The following ZC3HAV1L variants were observed in gnomAD, a reference collection of about 807,000 sequenced individuals.
ZC3HAV1L encodes the protein zinc finger CCCH-type antiviral protein 1-like.
Under a neutral mutation model 28.2 loss-of-function variants are expected in ZC3HAV1L, and 23 were observed. The ratio of observed to expected loss-of-function variants is 0.82; its 90% CI spans 0.59 to 1.16. The LOEUF (loss-of-function observed/expected upper bound fraction) is 1.16. Ranked by LOEUF, ZC3HAV1L falls within the 50% of genes most tolerant of loss-of-function variation. ZC3HAV1L has a pLI of 0.00. For synonymous variants in ZC3HAV1L, 180 were observed against 163.4 expected, an observed-to-expected ratio of 1.10 and a Z score of -0.78; for missense variants, 376 against 387.7, an observed-to-expected ratio of 0.97 and a Z score of 0.25.
At chr7:139,028,620 T>A in intron 3 of ZC3HAV1L, 82 bp downstream of exon 3, 2 of 1,515,262 alleles carry the variant, frequency 1.3e-6, no homozygotes, top group South Asian at 1.3e-5. Flanking sequence ...CTCACTTTCA[T>A]GTCACTGTTC....
Position 139,035,911 on chromosome 7 carries a change from C to T in ZC3HAV1L, c.107G>A (p.Arg36Lys). Reference protein sequence around the residue: ...LRGHVELSEARLRDVLQRAGP... With the variant: ...LRGHVELSEAKLRDVLQRAGP... Reference sequence around the variant, plus strand: ...GGCGCGCTGCAGCACGTCCCGGAGCCTGGCCTCCGACAGCTCCACGTGGCC... The same window carrying T: ...GGCGCGCTGCAGCACGTCCCGGAGCTTGGCCTCCGACAGCTCCACGTGGCC... The change falls in exon 1 of 5, where the codon AGG becomes AAG. Residue 36 changes from arginine (R) to lysine (K), a missense_variant. By Grantham distance (26) the Arg-to-Lys change is conservative. Coordinates refer to ENST00000275766, the MANE Select transcript of ZC3HAV1L (RefSeq NM_080660.4). 1 of 1,513,916 alleles carries T rather than the reference C, an allele frequency of 6.6e-7. No individual in the cohort carries two copies. The highest frequency in any genetic ancestry group is 2.7e-5 in the East Asian group (1 of 37,548). The allele number at this position is 1,513,916 out of a possible 1,614,324, so 93.8% of individuals were successfully genotyped here.
intron 1 of ZC3HAV1L, 81 bp from the exon 2 acceptor site, chr7:139,034,759 A>G (rs990762320): frequency 4.5e-6 from 7 of 1,566,400 alleles, no homozygotes; most frequent in South Asian, 3.5e-5. Flanking sequence ...GCAGCTTTCA[A>G]TGTATTTAAT....
chr7:139,034,034 C>T (rs183870368), intron 2 of ZC3HAV1L: 2 of 985,460 alleles, frequency 2.0e-6, no homozygotes, highest in Admixed American at 1.2e-4. Context: ...TCCAGGACTG[C>T]CTTCTGGGTA....
intron 1 of ZC3HAV1L, 21 bp downstream of exon 1, chr7:139,035,632 C>A (rs1286735828): frequency 1.4e-6 from 2 of 1,387,806 alleles, no homozygotes; most frequent in South Asian, 1.6e-5. Context: ...CCACAGTCCC[C>A]GCCCGCCGCC....
intron 2 of ZC3HAV1L, among the ~76,000 whole-genome samples, chr7:139,032,508 G>A (rs11770802): frequency 0.49 from 73,331 of 150,836 alleles, 18,306 homozygotes; most frequent in Non-Finnish European, 0.52. Flanking sequence ...ATCATGGTGG[G>A]CGCCTGTCGG....
downstream of ZC3HAV1L, among the ~76,000 whole-genome samples, chr7:139,023,182 G>GAAAAAAAAAAAAAAAAAA (rs565321825): frequency 9.7e-6 from 1 of 103,120 alleles, no homozygotes; most frequent in Non-Finnish European, 1.8e-5. Context: ...AAGGAAAAAA[G>GAAAAAAAAAAAAAAAAAA]AAAAAAAAAA....
chr7:139,032,249 G>A (rs754207807), intron 2 of ZC3HAV1L, among the ~76,000 whole-genome samples: 1 of 152,134 alleles, frequency 6.6e-6, no homozygotes, highest in Non-Finnish European at 1.5e-5. Context: ...AAATTAAGGA[G>A]AATAGGGATA....
chr7:139,034,973 G>A (rs1406232357), intron 1 of ZC3HAV1L: 2 of 985,384 alleles, frequency 2.0e-6, no homozygotes, highest in Non-Finnish European at 2.4e-6. Context: ...CCTTCTCCCC[G>A]GCAACAGCTG....
Position 139,026,782 on chromosome 7 carries a change from A to T in ZC3HAV1L, c.812T>A (p.Val271Glu). The change falls in exon 4 of 5, where the codon GTG becomes GAG. Residue 271 changes from valine to glutamate, a missense_variant. By Grantham distance (121) the Val-to-Glu change is moderately radical. Transcript: ENST00000275766. The stretch of plus-strand genomic sequence containing the variant: ...AGCTTCTGCAGCTCCAGCTGCGTGC[A>T]CTCCTTGCTTCTCAAGGCCTTGTGA... Reference protein sequence around the residue: ...EHSQGLEKQGVHAAGAAEAGP... With the variant: ...EHSQGLEKQGEHAAGAAEAGP... 3 of 1,614,112 alleles carry T rather than the reference A, an allele frequency of 1.9e-6. No homozygotes were observed. The highest frequency in any genetic ancestry group is 1.7e-6 in the Non-Finnish European group (2 of 1,180,022).
At chr7:139,027,108 AC>A (rs1316939550) in intron 3 of ZC3HAV1L, among the ~76,000 whole-genome samples, 1 of 150,156 alleles carries the variant, frequency 6.7e-6, no homozygotes, top group African/African-American at 2.5e-5. Flanking sequence ...GGTAGAAGGT[AC>A]CTGCCACCAT....
At chr7:139,023,853 A>C (rs1815295009), downstream of ZC3HAV1L, among the ~76,000 whole-genome samples, 1 of 152,222 alleles carries the variant, frequency 6.6e-6, no homozygotes, top group South Asian at 2.1e-4. Context: ...CAGTATGTAC[A>C]GGGTGGAAAG....
chr7:139,035,867 G>A lies in ZC3HAV1L; in HGVS notation c.151C>T (p.Leu51=). The part of the protein sequence containing the change: ...LQRAGPERFL[L]QEVETQEGLG... ...CCCTCCTGCGTCTCCACCTCCTGCA[G>A]CAGGAAACGCTCGGGCCCGGCGCGC... The change falls in exon 1 of 5, where the codon CTG becomes TTG. Residue 51 remains leucine (L), a synonymous_variant. Transcript: ENST00000275766. 2 of 1,510,150 alleles carry A rather than the reference G, an allele frequency of 1.3e-6. No homozygotes were observed. The allele number at this position is 1,510,150 out of a possible 1,614,324, so 93.5% of individuals were successfully genotyped here. A position where few individuals can be genotyped will look rare whatever the true frequency, so the allele number is the denominator to read the frequency against.
At chr7:139,032,933 C>T (rs574292511) in intron 2 of ZC3HAV1L, among the ~76,000 whole-genome samples, 51 of 152,182 alleles carry the variant, frequency 3.4e-4, no homozygotes, top group African/African-American at 1.2e-3. Context: ...CCTGGCCAGG[C>T]GCAGTGGCTC....
chr7:139,023,487 C>T (rs1815289307), downstream of ZC3HAV1L, among the ~76,000 whole-genome samples: 1 of 152,178 alleles, frequency 6.6e-6, no homozygotes, highest in African/African-American at 2.4e-5. Flanking sequence ...CTCTTGCATC[C>T]AGTTCACTTC....
At chr7:139,034,375 C>A (rs1177096377) in intron 2 of ZC3HAV1L, among the ~76,000 whole-genome samples, 168 bp downstream of exon 2, 2 of 152,158 alleles carry the variant, frequency 1.3e-5, no homozygotes, top group Non-Finnish European at 2.9e-5. Flanking sequence ...CTGAAACAAA[C>A]GTACTATTTC....
In ZC3HAV1L at chr7:139,035,970, G is replaced by C; in HGVS notation, c.48C>G (p.Ala16=). 6.6e-7 allele frequency: 1 copy of C among 1,522,932 alleles called. No individual in the cohort carries two copies. Among genetic ancestry groups the C allele is most frequent in the Non-Finnish European group, 8.7e-7 (1 of 1,143,466 alleles). 94.3% of individuals were successfully genotyped at this position (1,522,932 alleles called of 1,614,324 possible). A position where few individuals can be genotyped will look rare whatever the true frequency, so the allele number is the denominator to read the frequency against. The stretch of plus-strand genomic sequence containing the variant: ...CCTTCAGGAACATGCGGCCGCCGTG[G>C]GCGCACAGCACCTTGGTGAGGAAGG... The part of the protein sequence containing the change: ...VCSFLTKVLC[A]HGGRMFLKDL... The change falls in exon 1 of 5, where the codon GCC becomes GCG. Residue 16 remains alanine, a synonymous_variant. Transcript: ENST00000275766.
intron 1 of ZC3HAV1L, chr7:139,035,248 G>A (rs752888925): frequency 2.3e-4 from 223 of 985,258 alleles, no homozygotes; most frequent in Non-Finnish European, 2.7e-4. Flanking sequence ...TGGATATGGG[G>A]GAGCAGCGAT....
At chr7:139,026,668 C>T in intron 4 of ZC3HAV1L, 40 bp downstream of exon 4, 1 of 1,612,556 alleles carries the variant, frequency 6.2e-7, no homozygotes, top group Non-Finnish European at 8.5e-7. Context: ...CCAAGCTGGA[C>T]AAGCTTCTTC....
downstream of ZC3HAV1L, among the ~76,000 whole-genome samples, chr7:139,025,482 A>G (rs1236005612): frequency 1.3e-5 from 2 of 151,290 alleles, no homozygotes; most frequent in Non-Finnish European, 2.9e-5. Flanking sequence ...AGAGTGAGGT[A>G]GAAGTCTCTG....
Sources: allele counts gnomAD v4.1 joint callset (sites outside exome capture counted in the v4.1 genomes callset), GRCh38; gene constraint gnomAD v4.1.1; transcripts MANE v1.5; gene names NCBI Gene and HGNC (gene_info 2026-07-23, HGNC 2026-07-21).